Variants in PCDHGA3 observed in about 807,000 individuals in gnomAD.
PCDHGA3 encodes protocadherin gamma subfamily A, 3.
A neutral mutation model predicts 58.5 loss-of-function variants in PCDHGA3; 40 were observed. That is an observed-to-expected ratio of 0.68 (90% CI 0.53 to 0.89). The LOEUF (loss-of-function observed/expected upper bound fraction) is 0.89. Among genes scored for constraint, PCDHGA3 ranks in the 40% least tolerant of loss-of-function variants. The pLI is 0.00. For synonymous variants in PCDHGA3, 530 were observed against 525.7 expected (o/e 1.01, Z -0.11); for missense variants, 1,223 against 1,195.9 (o/e 1.02, Z -0.33).
chr5:141,401,890 C>T (rs2094204069), intron 1 of PCDHGA3, among the ~76,000 whole-genome samples: 1 of 152,084 alleles, frequency 6.6e-6, no homozygotes, highest in Non-Finnish European at 1.5e-5. Context: ...ATTTTGTGTT[C>T]TTTTTCCCAA....
rs768666162 is a variant in PCDHGA3, at chr5:141,346,229, G to A, written c.2196G>A (p.Leu732=). ...SRLLQASGGG[L]ASTPGSHFVG... is the part of the protein sequence containing the mutation. Reference sequence around the variant, plus strand: ...TGCTGCAGGCTTCGGGAGGCGGCTTGGCGAGTACGCCCGGCTCGCACTTTG... The same window carrying A: ...TGCTGCAGGCTTCGGGAGGCGGCTTAGCGAGTACGCCCGGCTCGCACTTTG... Residue 732 remains leucine, a synonymous_variant, in exon 1 of 4, where the codon TTG becomes TTA. Coordinates refer to ENST00000253812, the MANE Select transcript of PCDHGA3 (RefSeq NM_018916.4). The A allele has an allele frequency of 3.5e-5, 57 of 1,614,198 alleles. No homozygotes were observed. In the African/African-American group the frequency reaches 6.9e-4, roughly 20 times the overall value.
chr5:141,456,285 G>T (rs2098848223), intron 1 of PCDHGA3, among the ~76,000 whole-genome samples: 1 of 152,134 alleles, frequency 6.6e-6, no homozygotes, highest in Non-Finnish European at 1.5e-5. Flanking sequence ...GCTGAAAAGG[G>T]GCGTCTAATG....
At chr5:141,352,741 G>A in intron 1 of PCDHGA3, 1 of 1,473,692 alleles carries the variant, frequency 6.8e-7, no homozygotes. Flanking sequence ...TGTAATCCCA[G>A]CACTTAACCA....
At chr5:141,405,966 C>T (rs1226823491) in intron 1 of PCDHGA3, among the ~76,000 whole-genome samples, 3 of 151,986 alleles carry the variant, frequency 2.0e-5, no homozygotes, top group South Asian at 4.1e-4. Flanking sequence ...CTGCTGTCAA[C>T]GTAAACCATA....
At chr5:141,425,214 A>G (rs999893857) in intron 1 of PCDHGA3, among the ~76,000 whole-genome samples, 2 of 152,178 alleles carry the variant, frequency 1.3e-5, no homozygotes, top group Non-Finnish European at 2.9e-5. Context: ...AAGGCATTGT[A>G]CTTTGACTGG....
At chr5:141,421,513 C>T (rs368199651) in intron 1 of PCDHGA3, 14 of 1,613,960 alleles carry the variant, frequency 8.7e-6, no homozygotes, top group Non-Finnish European at 1.1e-5. Context: ...CCGGGAGGAG[C>T]TCTGTGAGAC....
chr5:141,510,251 C>T (rs569804850), intron 3 of PCDHGA3, among the ~76,000 whole-genome samples: 5 of 144,790 alleles, frequency 3.5e-5, no homozygotes, highest in South Asian at 4.3e-4. Flanking sequence ...CCAGGCTGGG[C>T]GACAGAGCAG....
intron 1 of PCDHGA3, chr5:141,372,781 T>C: frequency 6.2e-7 from 1 of 1,608,572 alleles, no homozygotes; most frequent in Non-Finnish European, 8.5e-7. Context: ...AATCCAGAAA[T>C]GCCTTCTAAT....
In PCDHGA3 at chr5:141,398,940, G is replaced by C. The variant is rs781438773; in HGVS notation, c.2424+52483G>C. 6.2e-7 allele frequency: 1 copy of C among 1,613,944 alleles called. No individual in the cohort carries two copies. Among genetic ancestry groups the C allele is most frequent in the Middle Eastern group, 1.7e-4 (1 of 6,060 alleles). ...AAGTGTCAGCCACTGACCAAGACGAGGGCATCAACTCAGAAATTACTTATT... is the reference window on the plus strand; with the variant it reads ...AAGTGTCAGCCACTGACCAAGACGACGGCATCAACTCAGAAATTACTTATT... On this transcript the variant is annotated intron_variant, in intron 1 of 3. Transcript: ENST00000253812.
At chr5:141,378,382 G>C (rs1774857490) in intron 1 of PCDHGA3, 1 of 152,274 alleles carries the variant, frequency 6.6e-6, no homozygotes, top group South Asian at 2.1e-4. Context: ...AATTAGCCAG[G>C]TGGGGTGGCA....
At chr5:141,374,961 G>C (rs1770983787) in intron 1 of PCDHGA3, 1 of 1,614,028 alleles carries the variant, frequency 6.2e-7, no homozygotes, top group Non-Finnish European at 8.5e-7. Flanking sequence ...CAAATTTTCT[G>C]TTTGAATGTT....
chr5:141,404,485 T>C (rs780359921), intron 1 of PCDHGA3: 2 of 1,613,490 alleles, frequency 1.2e-6, no homozygotes, highest in Admixed American at 1.7e-5. Context: ...ACTCAGACAC[T>C]GGTGTGCTGT....
intron 1 of PCDHGA3, among the ~76,000 whole-genome samples, chr5:141,401,748 C>G (rs2094189969): frequency 6.6e-6 from 1 of 152,134 alleles, no homozygotes; most frequent in Non-Finnish European, 1.5e-5. Context: ...ATACAAAGCT[C>G]CCATTACATG....
At position 141,345,318 on chromosome 5, in the gene PCDHGA3, A is replaced by G; in HGVS notation, c.1285A>G (p.Ser429Gly). ...TAGTCTGAGAGCCTCAGATGGGGGA[A>G]GCCCGCCACTGTCCACAGAAACTCA... ...NISLRASDGG[S>G]PPLSTETHIT... The change falls in exon 1 of 4, where the codon AGC (serine) becomes GGC (glycine). Residue 429 changes from serine (S) to glycine (G), a missense_variant. Ser to Gly is a moderately conservative substitution (Grantham distance 56, BLOSUM62 0). Around this residue, in one of 3 missense-constraint regions of PCDHGA3, gnomAD observed 791 missense variants for 708.5 expected, o/e 1.12. Coordinates refer to ENST00000253812, the MANE Select transcript of PCDHGA3 (RefSeq NM_018916.4). 6.2e-7 allele frequency: 1 copy of G among 1,613,980 alleles called. No individual in the cohort carries two copies. Among genetic ancestry groups the G allele is most frequent in the Middle Eastern group, 1.6e-4 (1 of 6,062 alleles).
rs1403789987 is a variant in PCDHGA3 at position 141,511,845 on chromosome 5, T to C, written c.*672T>C. The C allele has an allele frequency of 6.4e-6, 1 of 156,740 alleles. No individual in the cohort carries two copies. The highest frequency in any genetic ancestry group is 1.4e-5 in the Non-Finnish European group (1 of 70,694). 9.7% of individuals were successfully genotyped at this position (156,740 alleles called of 1,614,324 possible). A position where few individuals can be genotyped will look rare whatever the true frequency, so the allele number is the denominator to read the frequency against. On this transcript the variant is annotated 3_prime_UTR_variant, in exon 4 of 4. Transcript: ENST00000253812. ...AACGCCCTGGGGACCAGTCTTCTGT[T>C]TTGTTTTTCATTGTTTGACGTTTCC...
At chr5:141,470,078 G>C (rs542998375) in intron 1 of PCDHGA3, among the ~76,000 whole-genome samples, 21 of 152,182 alleles carry the variant, frequency 1.4e-4, no homozygotes, top group Non-Finnish European at 2.9e-4. Context: ...GTAGTGATCT[G>C]AGATCATGCC....
intron 1 of PCDHGA3, chr5:141,382,944 G>A (rs375823415): frequency 6.3e-7 from 1 of 1,596,888 alleles, no homozygotes; most frequent in Non-Finnish European, 8.6e-7. Flanking sequence ...GATTCTTCCT[G>A]CTCTCCATCC....
chr5:141,355,233 C>G, intron 1 of PCDHGA3: 1 of 1,612,052 alleles, frequency 6.2e-7, no homozygotes, highest in Non-Finnish European at 8.5e-7. Flanking sequence ...CAGACCACAC[C>G]CGGCTGCTCC....
chr5:141,366,469 G>C (rs575828819), intron 1 of PCDHGA3: 2 of 1,614,256 alleles, frequency 1.2e-6, no homozygotes, highest in Non-Finnish European at 1.7e-6. Flanking sequence ...TGCTGCTGGT[G>C]CTCAGACTGA....
Sources: gnomAD v4.1 joint callset for allele counts (sites outside exome capture counted in the v4.1 genomes callset) on GRCh38, gnomAD v4.1.1 for gene constraint, gnomAD v4.1.1 regional missense constraint, MANE v1.5 for transcripts, NCBI Gene and HGNC (gene_info 2026-07-23, HGNC 2026-07-21) for gene names.